SMO: variants seen among roughly 807,000 people sequenced by gnomAD.
SMO encodes smoothened, frizzled class receptor.
Under a neutral mutation model 81.6 loss-of-function variants are expected in SMO, and 40 were observed. The observed-to-expected ratio is 0.49, with a 90% CI of 0.38 to 0.64. The LOEUF (loss-of-function observed/expected upper bound fraction) is 0.64. SMO is among the 30% of genes least tolerant of loss of function. SMO has a pLI of 0.00. For synonymous variants in SMO, 434 were observed against 432.1 expected (o/e 1.00, Z -0.05); for missense variants, 916 against 1,061.1 (o/e 0.86, Z 1.90).
chr7:129,194,031 T>C (rs1793529281), intron 1 of SMO, among the ~76,000 whole-genome samples: 1 of 149,542 alleles, frequency 6.7e-6, no homozygotes, highest in African/African-American at 2.5e-5. Context: ...ACCCAAGAGG[T>C]TGAGGCTGCA....
intron 1 of SMO, 59 bp from the exon 2 acceptor site, chr7:129,203,325 C>A (rs2150646341): frequency 7.7e-7 from 1 of 1,305,428 alleles, no homozygotes; most frequent in Non-Finnish European, 1.1e-6. Flanking sequence ...AGGGGTGAAG[C>A]TGCGTCTGTG....
At chr7:129,195,994 G>T (rs185286945) in intron 1 of SMO, among the ~76,000 whole-genome samples, 4 of 151,560 alleles carry the variant, frequency 2.6e-5, no homozygotes, top group African/African-American at 9.7e-5. Context: ...CCAGCTACTC[G>T]GGAGGCTGAG....
In SMO at chr7:129,211,148, G is replaced by GC; in HGVS notation, c.1801+39dup. The GC allele has an allele frequency of 5.7e-6, 9 of 1,573,986 alleles. No homozygotes were observed. The highest frequency in any genetic ancestry group is 7.8e-6 in the Non-Finnish European group (9 of 1,159,714). On this transcript the variant is annotated intron_variant, in intron 10 of 11. Coordinates refer to ENST00000249373, the MANE Select transcript of SMO (RefSeq NM_005631.5). The surrounding 1 kb of genome is among the most constrained non-coding windows in gnomAD (Gnocchi z 4.6). ...ACCCCTCCTCTACCGGAGCCGCCTG[G>GC]CCCCGCGCTGCCCATGTGCTAGTCT...
rs1486377534 is a variant in SMO at position 129,208,452 on chromosome 7, A to G, written c.1265-307A>G. Reference sequence around the variant, plus strand: ...GGCGACAGGGTTCCATCTCAAAAAAAAAATTATATGGATAGCGCTGTTCTT... The same window carrying G: ...GGCGACAGGGTTCCATCTCAAAAAAGAAATTATATGGATAGCGCTGTTCTT... On this transcript the variant is annotated intron_variant, in intron 6 of 11. Transcript: ENST00000249373. This position sits in a 1 kb window ranked among gnomAD's most constrained non-coding sequence, Gnocchi z 5.2. Among the ~76,000 whole-genome samples the G allele has an allele frequency of 2.2e-5, 1 of 45,444 alleles. No homozygotes were observed. Among genetic ancestry groups the G allele is most frequent in the African/African-American group, 5.9e-5 (1 of 17,074 alleles). The allele number at this position is 45,444 out of a possible 152,430, so 29.8% of individuals were successfully genotyped here.
rs1199968291 is a variant in SMO at position 129,205,159 on chromosome 7, C to A, written c.538-44C>A. 4.5e-6 allele frequency: 7 copies of A among 1,558,942 alleles called. No homozygotes were observed. The East Asian group carries it at 1.6e-4, about 35-fold the overall frequency. Reference sequence around the variant, plus strand: ...ACCTTTCCCTAAACAAGAGGCTCGTCCCTGAGCTGCCTTGACACCGTCTTT... The same window carrying A: ...ACCTTTCCCTAAACAAGAGGCTCGTACCTGAGCTGCCTTGACACCGTCTTT... On this transcript the variant is annotated intron_variant, in intron 2 of 11. Transcript: ENST00000249373.
chr7:129,199,967 A>G (rs1793643903), intron 1 of SMO, among the ~76,000 whole-genome samples: 1 of 152,188 alleles, frequency 6.6e-6, no homozygotes, highest in Non-Finnish European at 1.5e-5. Flanking sequence ...ATATAAGGAA[A>G]TTAGCTCTTG....
Position 129,206,709 on chromosome 7 carries a change from C to T in SMO, c.1264+122C>T. 7.4e-6 allele frequency: 7 copies of T among 940,572 alleles called. No individual in the cohort carries two copies. The South Asian group carries it at 9.3e-5, about 13-fold the overall frequency. The allele number at this position is 940,572 out of a possible 1,614,324, so 58.3% of individuals were successfully genotyped here. ...AAACCCCAGCTAGCTCCTATAGGGCCTTCACACAGTAGAAGGTGACCCTCT... is the reference window on the plus strand; with the variant it reads ...AAACCCCAGCTAGCTCCTATAGGGCTTTCACACAGTAGAAGGTGACCCTCT... On this transcript the variant is annotated intron_variant, in intron 6 of 11. Transcript: ENST00000249373. The surrounding 1 kb of genome is among the most constrained non-coding windows in gnomAD (Gnocchi z 4.4).
In SMO at chr7:129,212,557, G is replaced by A; in HGVS notation, c.*106G>A. On this transcript the variant is annotated 3_prime_UTR_variant, in exon 12 of 12. Transcript: ENST00000249373. This position sits in a 1 kb window ranked among gnomAD's most constrained non-coding sequence, Gnocchi z 5.0. Reference sequence around the variant, plus strand: ...TAGGATCCCGTCTTCCAGAGAACCTGTGGGCTGACTGCCCTCCGAAGAGAG... The same window carrying A: ...TAGGATCCCGTCTTCCAGAGAACCTATGGGCTGACTGCCCTCCGAAGAGAG... The A allele has an allele frequency of 1.8e-6, 2 of 1,110,820 alleles. No homozygotes were observed. Among genetic ancestry groups the A allele is most frequent in the South Asian group, 1.5e-5 (1 of 66,002 alleles). The allele number at this position is 1,110,820 out of a possible 1,614,324, so 68.8% of individuals were successfully genotyped here. A position where few individuals can be genotyped will look rare whatever the true frequency, so the allele number is the denominator to read the frequency against.
In SMO at chr7:129,211,865, G is replaced by C. The variant is rs1450177859; in HGVS notation, c.1936+95G>C. On this transcript the variant is annotated intron_variant, in intron 11 of 11. Coordinates refer to ENST00000249373, the MANE Select transcript of SMO (RefSeq NM_005631.5). This position sits in a 1 kb window ranked among gnomAD's most constrained non-coding sequence, Gnocchi z 4.6. The stretch of plus-strand genomic sequence containing the variant: ...ACAGGGGCTGTCGGAGGAGGAGGAA[G>C]AGGAAGGAAAGGCCCCAGAGGATCT... 1 of 1,538,192 alleles carries C rather than the reference G, an allele frequency of 6.5e-7. No individual in the cohort carries two copies. Among genetic ancestry groups the C allele is most frequent in the East Asian group, 2.3e-5 (1 of 44,390 alleles).
chr7:129,194,795 G>GT (rs1036500319), intron 1 of SMO, among the ~76,000 whole-genome samples: 1 of 151,708 alleles, frequency 6.6e-6, no homozygotes, highest in African/African-American at 2.4e-5. Flanking sequence ...GTTTGTTTTT[G>GT]TTTTTTTGAG....
chr7:129,190,031 G>A (rs1793459545), intron 1 of SMO, among the ~76,000 whole-genome samples: 1 of 152,166 alleles, frequency 6.6e-6, no homozygotes, highest in Admixed American at 6.5e-5. Context: ...TCTTGATTTG[G>A]GAGACAGGAA....
intron 7 of SMO, 51 bp from the exon 8 acceptor site, chr7:129,209,238 T>G (rs1247404394): frequency 9.0e-7 from 1 of 1,107,344 alleles, no homozygotes; most frequent in Admixed American, 1.7e-5. Flanking sequence ...TCCCCACTGC[T>G]GCTGCGGGAC....
chr7:129,211,052 G>T lies in SMO; in HGVS notation c.1740G>T (p.Leu580=). 1 of 1,614,064 alleles carries T rather than the reference G, an allele frequency of 6.2e-7. No individual in the cohort carries two copies. Among genetic ancestry groups the T allele is most frequent in the Non-Finnish European group, 8.5e-7 (1 of 1,179,972 alleles). ...CCTTCTCTAAGCGGCACGAGCTCCTGCAGAACCCAGGCCAGGAGCTGTCCT... is the reference window on the plus strand; with the variant it reads ...CCTTCTCTAAGCGGCACGAGCTCCTTCAGAACCCAGGCCAGGAGCTGTCCT... The part of the protein sequence containing the change: ...AKAFSKRHEL[L]QNPGQELSFS... The change falls in exon 10 of 12, where the codon CTG becomes CTT. Residue 580 remains leucine (L), a synonymous_variant. Transcript: ENST00000249373. The surrounding 1 kb of genome is among the most constrained non-coding windows in gnomAD (Gnocchi z 4.6).
chr7:129,189,009 TCCGGGGGGG>T lies in SMO; in HGVS notation c.-140_-132del. On this transcript the variant is annotated 5_prime_UTR_variant, in exon 1 of 12. Coordinates refer to ENST00000249373, the MANE Select transcript of SMO (RefSeq NM_005631.5). The surrounding 1 kb of genome is among the most constrained non-coding windows in gnomAD (Gnocchi z 4.7). Reference sequence around the variant, plus strand: ...CCGAGGGGCCGGGGCGCGCGGAGCGTCCGGGGGGGCCCGGGCCCGGATTCTCTGGGCGCA... The same window carrying T: ...CCGAGGGGCCGGGGCGCGCGGAGCGTCCCGGGCCCGGATTCTCTGGGCGCA... The T allele has an allele frequency of 1.5e-6, 1 of 665,786 alleles. No homozygotes were observed. The highest frequency in any genetic ancestry group is 2.1e-6 in the Non-Finnish European group (1 of 479,774). 41.2% of individuals were successfully genotyped at this position (665,786 alleles called of 1,614,324 possible).
Position 129,211,014 on chromosome 7 carries a change from A to G in SMO, c.1702A>G (p.Met568Val), listed in dbSNP as rs1793860284. The change falls in exon 10 of 12, where the codon ATG (methionine) becomes GTG (valine). Residue 568 changes from methionine (M) to valine (V), a missense_variant. Transcript: ENST00000249373. The surrounding 1 kb of genome is among the most constrained non-coding windows in gnomAD (Gnocchi z 4.6). ...DEPKRIKKSKMIAKAFSKRHE... is the reference protein window; with the variant it reads ...DEPKRIKKSKVIAKAFSKRHE... ...GCCAAAGCGGATCAAGAAGAGCAAGATGATTGCCAAGGCCTTCTCTAAGCG... is the reference window on the plus strand; with the variant it reads ...GCCAAAGCGGATCAAGAAGAGCAAGGTGATTGCCAAGGCCTTCTCTAAGCG... The G allele has an allele frequency of 1.2e-6, 2 of 1,613,872 alleles. No homozygotes were observed. Among genetic ancestry groups the G allele is most frequent in the Non-Finnish European group, 1.7e-6 (2 of 1,179,948 alleles).
intron 1 of SMO, among the ~76,000 whole-genome samples, chr7:129,199,724 G>A (rs1194414852): frequency 6.6e-6 from 1 of 151,924 alleles, no homozygotes; most frequent in Non-Finnish European, 1.5e-5. Context: ...GCAACAGTGT[G>A]AGACCCTATC....
In SMO at chr7:129,189,176, G is replaced by C. The variant is rs1563144493; in HGVS notation, c.25G>C (p.Gly9Arg). 5.9e-6 allele frequency: 7 copies of C among 1,176,974 alleles called. No individual in the cohort carries two copies. Among genetic ancestry groups the C allele is most frequent in the Non-Finnish European group, 6.4e-6 (6 of 942,578 alleles). 72.9% of individuals were successfully genotyped at this position (1,176,974 alleles called of 1,614,324 possible). A position where few individuals can be genotyped will look rare whatever the true frequency, so the allele number is the denominator to read the frequency against. The change falls in exon 1 of 12, where the codon GGG (glycine) becomes CGG (arginine). Residue 9 changes from glycine to arginine, a missense_variant. By Grantham distance (125) the Gly-to-Arg change is moderately radical. Around this residue, in one of 4 missense-constraint regions of SMO, gnomAD observed 146 missense variants for 149.9 expected, o/e 0.97. Transcript: ENST00000249373. This position sits in a 1 kb window ranked among gnomAD's most constrained non-coding sequence, Gnocchi z 4.7. ...CATGGCCGCTGCCCGCCCAGCGCGG[G>C]GGCCGGAGCTCCCGCTCCTGGGGCT... MAAARPAR[G>R]PELPLLGLLL...
Position 129,210,698 on chromosome 7 carries a change from C to T in SMO, c.1652+150C>T. On this transcript the variant is annotated intron_variant, in intron 9 of 11. Coordinates refer to ENST00000249373, the MANE Select transcript of SMO (RefSeq NM_005631.5). This position sits in a 1 kb window ranked among gnomAD's most constrained non-coding sequence, Gnocchi z 4.7. Reference sequence around the variant, plus strand: ...GGTGGCACCTTCTGTCCTTGGGTGGCCTGATGCCTGGGCCTGGGCCTGGGC... The same window carrying T: ...GGTGGCACCTTCTGTCCTTGGGTGGTCTGATGCCTGGGCCTGGGCCTGGGC... 1 of 753,988 alleles carries T rather than the reference C, an allele frequency of 1.3e-6. No individual in the cohort carries two copies. Among genetic ancestry groups the T allele is most frequent in the Non-Finnish European group, 2.1e-6 (1 of 470,830 alleles). The allele number at this position is 753,988 out of a possible 1,614,324, so 46.7% of individuals were successfully genotyped here.
chr7:129,212,041 G>A lies in SMO; in HGVS notation c.1954G>A (p.Ala652Thr), dbSNP rs756712814. The A allele has an allele frequency of 9.4e-6, 15 of 1,588,220 alleles. No homozygotes were observed. The highest frequency in any genetic ancestry group is 1.3e-5 in the African/African-American group (1 of 74,542). Reference protein sequence around the residue: ...VATPVPPEEQANLWLVEAEIS... With the variant: ...VATPVPPEEQTNLWLVEAEIS... Reference sequence around the variant, plus strand: ...CCTGTCAGTGCCCCCAGAGGAACAAGCCAACCTGTGGCTGGTTGAGGCAGA... The same window carrying A: ...CCTGTCAGTGCCCCCAGAGGAACAAACCAACCTGTGGCTGGTTGAGGCAGA... Residue 652 changes from alanine to threonine, a missense_variant, in exon 12 of 12, where the codon GCC (alanine) becomes ACC (threonine). Physicochemically the swap from Ala to Thr is moderately conservative, Grantham distance 58. Coordinates refer to ENST00000249373, the MANE Select transcript of SMO (RefSeq NM_005631.5). This position sits in a 1 kb window ranked among gnomAD's most constrained non-coding sequence, Gnocchi z 5.0.
Sources: gnomAD v4.1 joint callset for allele counts (sites outside exome capture counted in the v4.1 genomes callset) on GRCh38, gnomAD v4.1.1 for gene constraint, gnomAD v4.1.1 regional missense constraint, Gnocchi (gnomAD v3.1) non-coding constraint, MANE v1.5 for transcripts, NCBI Gene and HGNC (gene_info 2026-07-23, HGNC 2026-07-21) for gene names.